Variants in GRIK1 observed in about 807,000 individuals in gnomAD.
GRIK1 encodes glutamate ionotropic receptor kainate type subunit 1, also known as glutamate receptor ionotropic, kainate 1.
In GRIK1, 69 loss-of-function variants were observed where a neutral mutation model predicts 105.7. The ratio of observed to expected loss-of-function variants is 0.65; its 90% CI spans 0.54 to 0.80. The LOEUF is 0.80. Ranked by LOEUF, GRIK1 falls within the 30% of genes least tolerant of loss-of-function variation. The probability of loss-of-function intolerance (pLI) is 0.00; values close to 1 mark genes in which losing one functional copy is unlikely to be tolerated. For synonymous variants in GRIK1, 438 were observed against 431.3 expected, an observed-to-expected ratio of 1.02 and a Z score of -0.19; for missense variants, 1,109 against 1,167.3, an observed-to-expected ratio of 0.95 and a Z score of 0.73.
chr21:29,879,289 G>C (rs1000148035), intron 1 of GRIK1, among the ~76,000 whole-genome samples: 1 of 152,144 alleles, frequency 6.6e-6, no homozygotes, highest in South Asian at 2.1e-4. Flanking sequence ...CAGGTATAGA[G>C]GTATCTATGT....
At chr21:29,626,509 G>A (rs1383394859) in intron 7 of GRIK1, among the ~76,000 whole-genome samples, 2 of 152,170 alleles carry the variant, frequency 1.3e-5, no homozygotes, top group Admixed American at 6.5e-5. Flanking sequence ...CAAGAAGGTG[G>A]CCATCTCAAG....
intron 1 of GRIK1, among the ~76,000 whole-genome samples, chr21:29,816,622 G>T (rs1455682066): frequency 6.6e-6 from 1 of 152,082 alleles, no homozygotes; most frequent in Non-Finnish European, 1.5e-5. Flanking sequence ...AATAAAGAAT[G>T]AAATCCTGTC....
chr21:29,804,930 T>A (rs955791160), intron 1 of GRIK1, among the ~76,000 whole-genome samples: 1 of 152,156 alleles, frequency 6.6e-6, no homozygotes, highest in Non-Finnish European at 1.5e-5. Flanking sequence ...ATTATCCCCA[T>A]TTTACATATT....
intron 1 of GRIK1, among the ~76,000 whole-genome samples, chr21:29,768,523 A>G (rs753893163): frequency 6.6e-6 from 1 of 152,154 alleles, no homozygotes; most frequent in Non-Finnish European, 1.5e-5. Flanking sequence ...GTGTCTCAGA[A>G]CTGTCCACCC....
At chr21:29,764,450 C>T (rs181222296) in intron 1 of GRIK1, among the ~76,000 whole-genome samples, 6 of 152,286 alleles carry the variant, frequency 3.9e-5, no homozygotes, top group South Asian at 4.1e-4. Context: ...AGTGTACCCA[C>T]ATCCATAAAA....
intron 9 of GRIK1, among the ~76,000 whole-genome samples, chr21:29,595,196 T>C (rs1408054982): frequency 1.3e-5 from 2 of 152,128 alleles, no homozygotes; most frequent in East Asian, 3.9e-4. Context: ...CTCGGGAGTG[T>C]GTGTGGCTCT....
chr21:29,898,830 T>A (rs1232948917), intron 1 of GRIK1, among the ~76,000 whole-genome samples: 1 of 152,142 alleles, frequency 6.6e-6, no homozygotes, highest in African/African-American at 2.4e-5. Context: ...AGATTTTATA[T>A]ATTTCAATTA....
chr21:29,679,898 T>A (rs1390960258), intron 3 of GRIK1, among the ~76,000 whole-genome samples: 2 of 152,242 alleles, frequency 1.3e-5, no homozygotes, highest in Non-Finnish European at 2.9e-5. Context: ...ACATATGGCA[T>A]TTGTCTTGTG....
intron 1 of GRIK1, among the ~76,000 whole-genome samples, chr21:29,789,144 TTGTC>T (rs368722598): frequency 4.0e-4 from 61 of 152,216 alleles, no homozygotes; most frequent in Admixed American, 1.0e-3. Flanking sequence ...CCTGTACTCT[TTGTC>T]TTATTAGAAA....
At chr21:29,843,238 A>G (rs2068028630) in intron 1 of GRIK1, among the ~76,000 whole-genome samples, 1 of 152,200 alleles carries the variant, frequency 6.6e-6, no homozygotes, top group African/African-American at 2.4e-5. Context: ...TGACTATTGC[A>G]GTGCAAGACA....
At chr21:29,928,260 C>G (rs1444731279) in intron 1 of GRIK1, among the ~76,000 whole-genome samples, 1 of 152,200 alleles carries the variant, frequency 6.6e-6, no homozygotes, top group Non-Finnish European at 1.5e-5. Context: ...TTTGTTGCTT[C>G]TTTCGTTGCT....
chr21:29,597,134 G>A (rs1003700478), intron 8 of GRIK1, among the ~76,000 whole-genome samples: 1 of 152,150 alleles, frequency 6.6e-6, no homozygotes, highest in African/African-American at 2.4e-5. Flanking sequence ...TAAAAAGATT[G>A]GGCATTTCCT....
intron 1 of GRIK1, among the ~76,000 whole-genome samples, chr21:29,725,007 T>TAAAA (rs76948130): frequency 8.9e-6 from 1 of 112,056 alleles, no homozygotes; most frequent in African/African-American, 3.0e-5. Flanking sequence ...CTTTGCCACC[T>TAAAA]AAAAAAAAAA....
Position 29,770,714 on chromosome 21 carries a change from T to A in GRIK1, c.119-76651A>T, listed in dbSNP as rs191220040. ...CTTCAACAAGAACATCTAATAAAAA[T>A]ATCTTATTTCAGCATTTGTTCATGG... On this transcript the variant is annotated intron_variant, in intron 1 of 17. Transcript: ENST00000327783. 1.9e-3 allele frequency among the ~76,000 whole-genome samples: 286 copies of A among 152,356 alleles called. 1 individual carries two copies. Among genetic ancestry groups the A allele is most frequent in the African/African-American group, 6.4e-3 (265 of 41,578 alleles).
chr21:29,815,527 A>C (rs116225698), intron 1 of GRIK1, among the ~76,000 whole-genome samples: 1 of 152,164 alleles, frequency 6.6e-6, no homozygotes, highest in East Asian at 1.9e-4. Context: ...ATTATTCGCT[A>C]TTCTGCCTGC....
At chr21:29,594,185 ATGTGTGTG>A (rs35296703) in intron 9 of GRIK1, among the ~76,000 whole-genome samples, 1 of 150,372 alleles carries the variant, frequency 6.7e-6, no homozygotes, top group Non-Finnish European at 1.5e-5. Context: ...AGAACTGTGT[ATGTGTGTG>A]TGTGTGTGTG....
chr21:29,756,620 G>T (rs961414286), intron 1 of GRIK1, among the ~76,000 whole-genome samples: 2 of 151,708 alleles, frequency 1.3e-5, no homozygotes, highest in African/African-American at 4.8e-5. Context: ...AATATCCAAT[G>T]AATACCAGGA....
intron 1 of GRIK1, among the ~76,000 whole-genome samples, chr21:29,701,928 G>A (rs1346023762): frequency 6.6e-6 from 1 of 152,194 alleles, no homozygotes; most frequent in Non-Finnish European, 1.5e-5. Context: ...GCTTGAAATT[G>A]CCATTGACCA....
intron 9 of GRIK1, among the ~76,000 whole-genome samples, chr21:29,593,380 T>G (rs2061359750): frequency 6.6e-6 from 1 of 152,212 alleles, no homozygotes; most frequent in African/African-American, 2.4e-5. Context: ...TCTTTAGGTT[T>G]CTTAATCTGG....
Sources: allele counts gnomAD v4.1 joint callset (sites outside exome capture counted in the v4.1 genomes callset), GRCh38; gene constraint gnomAD v4.1.1; transcripts MANE v1.5; gene names NCBI Gene and HGNC (gene_info 2026-07-23, HGNC 2026-07-21).